The following RADIL variants were observed in gnomAD, a reference collection of about 807,000 sequenced individuals.
The protein encoded by RADIL is Rap associating with DIL domain, also known as ras-associating and dilute domain-containing protein.
In RADIL, 99 loss-of-function variants were observed where a neutral mutation model predicts 97.6. The ratio of observed to expected loss-of-function variants is 1.01; its 90% CI spans 0.86 to 1.20. RADIL has a LOEUF of 1.20. RADIL is among the 50% of genes most tolerant of loss of function. The pLI is 0.00. For missense variants in RADIL, 1,765 were observed against 1,498.9 expected, an observed-to-expected ratio of 1.18 and a Z score of -2.93; for synonymous variants, 803 against 691.8, an observed-to-expected ratio of 1.16 and a Z score of -2.52.
chr7:4,868,437 ACTT>A (rs1230475506), intron 2 of RADIL, among the ~76,000 whole-genome samples: 1 of 152,170 alleles, frequency 6.6e-6, no homozygotes. Flanking sequence ...AACCCTCACA[ACTT>A]CTTTGCCTTG....
chr7:4,861,788 G>T, intron 2 of RADIL: 4 of 1,463,862 alleles, frequency 2.7e-6, no homozygotes, highest in Non-Finnish European at 3.6e-6. Context: ...TGGTCCCTGG[G>T]TTGTCACCGG....
At chr7:4,850,014 C>T (rs967418454) in intron 2 of RADIL, among the ~76,000 whole-genome samples, 8 of 151,612 alleles carry the variant, frequency 5.3e-5, no homozygotes, top group Non-Finnish European at 1.0e-4. Flanking sequence ...CCTAACAATC[C>T]CCAAATACAT....
At chr7:4,838,939 A>ACGTG (rs1562445264) in intron 2 of RADIL, among the ~76,000 whole-genome samples, 4 of 151,634 alleles carry the variant, frequency 2.6e-5, no homozygotes, top group African/African-American at 9.8e-5. Context: ...ACTCGTGCAC[A>ACGTG]CATGCATGCA....
In RADIL at chr7:4,819,423, G is replaced by A. The variant is rs114550984; in HGVS notation, c.1616-2072C>T. Among the ~76,000 whole-genome samples the A allele has an allele frequency of 8.7e-3, 1,328 of 152,074 alleles. 22 individuals are homozygous for A. Among genetic ancestry groups the A allele is most frequent in the African/African-American group, 0.031 (1,266 of 41,480 alleles). On this transcript the variant is annotated intron_variant, in intron 6 of 14. Coordinates refer to ENST00000399583, the MANE Select transcript of RADIL (RefSeq NM_018059.5). The surrounding 1 kb of genome is among the most constrained non-coding windows in gnomAD (Gnocchi z 5.8). ...CTCCCTGTGGTACCAGGGCTGGTGG[G>A]CATTTCTGAGGATTTCCGACGCCCA... is the stretch of plus-strand genomic sequence containing the variant.
chr7:4,805,500 C>A, intron 10 of RADIL, 66 bp downstream of exon 10: 1 of 1,481,862 alleles, frequency 6.7e-7, no homozygotes, highest in South Asian at 1.4e-5. Context: ...GAGCATGCTG[C>A]CTCCAGCCTC....
chr7:4,812,023 C>G (rs928848234), intron 9 of RADIL, among the ~76,000 whole-genome samples: 2 of 151,798 alleles, frequency 1.3e-5, no homozygotes, highest in African/African-American at 4.8e-5. Context: ...CACGGGCATG[C>G]ATCACCATGC....
At chr7:4,855,190 T>C (rs1783796759) in intron 2 of RADIL, among the ~76,000 whole-genome samples, 1 of 152,158 alleles carries the variant, frequency 6.6e-6, no homozygotes, top group African/African-American at 2.4e-5. Context: ...ATGTGGATTG[T>C]TTGGAACTTT....
At position 4,824,059 on chromosome 7, in the gene RADIL, C is replaced by A. The variant is rs1782907507; in HGVS notation, c.1455-1505G>T. Among the ~76,000 whole-genome samples, 1 of 152,202 alleles carries A rather than the reference C, an allele frequency of 6.6e-6. No individual in the cohort carries two copies. Among genetic ancestry groups the A allele is most frequent in the African/African-American group, 2.4e-5 (1 of 41,460 alleles). ...AGCAGTGAGCAGAAGGCCGTGTGTG[C>A]CCCTGAGCAGTGAGCAGAAGGGATC... On this transcript the variant is annotated intron_variant, in intron 5 of 14. Transcript: ENST00000399583. The surrounding 1 kb of genome is among the most constrained non-coding windows in gnomAD (Gnocchi z 6.7).
chr7:4,842,543 A>G lies in RADIL; in HGVS notation c.536-5938T>C, dbSNP rs116929608. The stretch of plus-strand genomic sequence containing the variant: ...CCGGGGGTGCACAGGGAAACTGGAC[A>G]AGCAGCTGGTGACCGTCACCAGCTC... On this transcript the variant is annotated intron_variant, in intron 2 of 14. Transcript: ENST00000399583. The surrounding 1 kb of genome is among the most constrained non-coding windows in gnomAD (Gnocchi z 4.5). 0.046 allele frequency among the ~76,000 whole-genome samples: 6,947 copies of G among 152,148 alleles called. 199 individuals carry two copies. Among genetic ancestry groups the G allele is most frequent in the South Asian group, 0.13 (610 of 4,814 alleles).
chr7:4,846,472 T>A (rs1449447264), intron 2 of RADIL, among the ~76,000 whole-genome samples: 1 of 151,078 alleles, frequency 6.6e-6, no homozygotes, highest in Non-Finnish European at 1.5e-5. Context: ...ATCTTGAGTT[T>A]TAACTTTGGT....
At chr7:4,830,889 C>T (rs923659049) in intron 5 of RADIL, among the ~76,000 whole-genome samples, 11 of 151,968 alleles carry the variant, frequency 7.2e-5, no homozygotes, top group African/African-American at 1.4e-4. Flanking sequence ...GCCGTGGTGG[C>T]GGGCGCCTGT....
Position 4,818,952 on chromosome 7 carries a change from T to C in RADIL, c.1616-1601A>G, listed in dbSNP as rs914875572. Among the ~76,000 whole-genome samples the C allele has an allele frequency of 6.6e-6, 1 of 152,058 alleles. No individual in the cohort carries two copies. Among genetic ancestry groups the C allele is most frequent in the African/African-American group, 2.4e-5 (1 of 41,402 alleles). ...ATTTTTGGTAGAGATGGGATCTCAC[T>C]ATGTTGCCCAGGCTGGTCTGGAACT... is the stretch of plus-strand genomic sequence containing the variant. On this transcript the variant is annotated intron_variant, in intron 6 of 14. Transcript: ENST00000399583. This position sits in a 1 kb window ranked among gnomAD's most constrained non-coding sequence, Gnocchi z 7.1.
Position 4,814,719 on chromosome 7 carries a change from C to G in RADIL, c.2139+559G>C, listed in dbSNP as rs1175075477. On this transcript the variant is annotated intron_variant, in intron 9 of 14. Coordinates refer to ENST00000399583, the MANE Select transcript of RADIL (RefSeq NM_018059.5). The surrounding 1 kb of genome is among the most constrained non-coding windows in gnomAD (Gnocchi z 4.5). ...GCTCAGCCGGGTCTCACAGAGCTGA[C>G]AGCAAGATGAAGCCCCCGGGGGAGG... Among the ~76,000 whole-genome samples the G allele has an allele frequency of 6.6e-6, 1 of 152,200 alleles. No individual in the cohort carries two copies. Among genetic ancestry groups the G allele is most frequent in the Admixed American group, 6.5e-5 (1 of 15,278 alleles).
intron 2 of RADIL, among the ~76,000 whole-genome samples, chr7:4,836,974 T>C (rs941173796): frequency 6.6e-6 from 1 of 152,096 alleles, no homozygotes; most frequent in Admixed American, 6.5e-5. Flanking sequence ...ATAGCGCCCA[T>C]GTCCCGGGTC....
chr7:4,808,585 A>C, intron 9 of RADIL: 1 of 938,632 alleles, frequency 1.1e-6, no homozygotes, highest in African/African-American at 3.0e-5. Context: ...CAAAGCCCGA[A>C]GTCCTCACAG....
chr7:4,799,516 G>C, intron 14 of RADIL, 33 bp from the exon 15 acceptor site: 1 of 1,613,458 alleles, frequency 6.2e-7, no homozygotes, highest in Non-Finnish European at 8.5e-7. Flanking sequence ...GGGTGGGCAG[G>C]AGGGCACCAG....
rs1781972198 is a variant in RADIL at position 4,798,180 on chromosome 7, C to T, written c.*1198G>A. The T allele has an allele frequency of 1.3e-5, 2 of 151,280 alleles. No homozygotes were observed. Among genetic ancestry groups the T allele is most frequent in the South Asian group, 2.1e-4 (1 of 4,794 alleles). The allele number at this position is 151,280 out of a possible 1,614,324, so 9.4% of individuals were successfully genotyped here. A position where few individuals can be genotyped will look rare whatever the true frequency, so the allele number is the denominator to read the frequency against. The stretch of plus-strand genomic sequence containing the variant: ...TTTATCCAGTATTTTGGGAACCTGG[C>T]AGTGGTCGCCGTTTCGAGCCAGGCG... On this transcript the variant is annotated 3_prime_UTR_variant, in exon 15 of 15. Coordinates refer to ENST00000399583, the MANE Select transcript of RADIL (RefSeq NM_018059.5).
At position 4,824,181 on chromosome 7, in the gene RADIL, C is replaced by A. The variant is rs935924676; in HGVS notation, c.1455-1627G>T. On this transcript the variant is annotated intron_variant, in intron 5 of 14. Transcript: ENST00000399583. The surrounding 1 kb of genome is among the most constrained non-coding windows in gnomAD (Gnocchi z 6.7). The stretch of plus-strand genomic sequence containing the variant: ...CTGCCCCATGGCTGGCCCGGGTACC[C>A]CTTGTCACCTGTGTCCCTTACTGGG... Among the ~76,000 whole-genome samples, 13 of 152,222 alleles carry A rather than the reference C, an allele frequency of 8.5e-5. No homozygotes were observed. The highest frequency in any genetic ancestry group is 1.9e-4 in the Non-Finnish European group (13 of 68,034).
At chr7:4,807,571 T>TTC (rs1329551400) in intron 9 of RADIL, among the ~76,000 whole-genome samples, 1 of 59,248 alleles carries the variant, frequency 1.7e-5, no homozygotes, top group Non-Finnish European at 3.1e-5. Context: ...CTCCCTCTCC[T>TTC]TCTCTCTCTC....
Sources: allele counts gnomAD v4.1 joint callset (sites outside exome capture counted in the v4.1 genomes callset), GRCh38; gene constraint gnomAD v4.1.1; non-coding constraint Gnocchi (gnomAD v3.1); transcripts MANE v1.5; gene names NCBI Gene and HGNC (gene_info 2026-07-23, HGNC 2026-07-21).